Variants in PLCE1 observed in about 807,000 individuals in gnomAD.
PLCE1 encodes the protein 1-phosphatidylinositol 4,5-bisphosphate phosphodiesterase epsilon-1.
In PLCE1, 119 loss-of-function variants were observed where a neutral mutation model predicts 242.8. The observed-to-expected ratio is 0.49, with a 90% CI of 0.42 to 0.57. PLCE1 has a LOEUF of 0.57. Ranked by LOEUF, PLCE1 falls within the 20% of genes least tolerant of loss-of-function variation. The probability of loss-of-function intolerance (pLI) is 0.00; values close to 1 mark genes in which losing one functional copy is unlikely to be tolerated. For missense variants in PLCE1, 2,441 were observed against 2,788.8 expected, an observed-to-expected ratio of 0.88 and a Z score of 2.81; for synonymous variants, 945 against 1,017.4, an observed-to-expected ratio of 0.93 and a Z score of 1.35.
chr10:94,011,394 C>T (rs1431673406), intron 1 of PLCE1, among the ~76,000 whole-genome samples: 6 of 152,058 alleles, frequency 3.9e-5, no homozygotes, highest in Admixed American at 3.9e-4. Context: ...CCCACTAGGC[C>T]CCACCTCCAA....
chr10:94,214,287 T>C (rs916937674), intron 4 of PLCE1, among the ~76,000 whole-genome samples: 13 of 152,140 alleles, frequency 8.5e-5, no homozygotes, highest in African/African-American at 3.1e-4. Flanking sequence ...TCATTTACCC[T>C]AGAGCTCACA....
intron 2 of PLCE1, among the ~76,000 whole-genome samples, chr10:94,124,371 T>C: frequency 6.9e-6 from 1 of 145,256 alleles, no homozygotes; most frequent in Non-Finnish European, 1.5e-5. Flanking sequence ...GAGTGAGACC[T>C]TGTCTCAGAG....
At chr10:94,315,808 T>C (rs1185386158) in intron 28 of PLCE1, among the ~76,000 whole-genome samples, 14 of 151,462 alleles carry the variant, frequency 9.2e-5, no homozygotes, top group African/African-American at 2.9e-4. Flanking sequence ...TAATGGCTCA[T>C]CTTTATTGAG....
chr10:94,273,283 A>G (rs886758995), intron 18 of PLCE1, among the ~76,000 whole-genome samples: 1 of 152,192 alleles, frequency 6.6e-6, no homozygotes, highest in African/African-American at 2.4e-5. Flanking sequence ...CTTATTTAAT[A>G]CATCAGACCA....
chr10:94,101,037 G>T (rs2045514520), intron 2 of PLCE1, among the ~76,000 whole-genome samples: 1 of 152,166 alleles, frequency 6.6e-6, no homozygotes, highest in Admixed American at 6.5e-5. Flanking sequence ...GGACCCCTGT[G>T]GGGAGCTATT....
At chr10:94,214,930 G>GATGAAGAA (rs2049466966) in intron 4 of PLCE1, among the ~76,000 whole-genome samples, 1 of 152,146 alleles carries the variant, frequency 6.6e-6, no homozygotes, top group South Asian at 2.1e-4. Flanking sequence ...CAGGGTACTT[G>GATGAAGAA]CGTAAGCTAT....
At chr10:94,305,922 A>C (rs895321317) in intron 25 of PLCE1, among the ~76,000 whole-genome samples, 5 of 152,134 alleles carry the variant, frequency 3.3e-5, no homozygotes, top group Non-Finnish European at 7.3e-5. Flanking sequence ...TGATGTTGAC[A>C]AAATAGGCTT....
chr10:94,290,051 T>C (rs1483674214), intron 22 of PLCE1, among the ~76,000 whole-genome samples: 1 of 152,128 alleles, frequency 6.6e-6, no homozygotes, highest in African/African-American at 2.4e-5. Context: ...ATTAAAGACC[T>C]GGCCTTGCTC....
At chr10:94,068,545 G>A (rs1233267538) in intron 2 of PLCE1, among the ~76,000 whole-genome samples, 1 of 152,096 alleles carries the variant, frequency 6.6e-6, no homozygotes, top group Non-Finnish European at 1.5e-5. Flanking sequence ...TTTATATAAG[G>A]AACTTAAGCA....
intron 1 of PLCE1, among the ~76,000 whole-genome samples, chr10:94,028,258 T>C (rs901316082): frequency 6.6e-5 from 10 of 152,194 alleles, no homozygotes; most frequent in African/African-American, 1.7e-4. Flanking sequence ...GTGGTTGCAG[T>C]CAAGATATAG....
chr10:94,203,853 GA>G (rs766408612), intron 4 of PLCE1, among the ~76,000 whole-genome samples: 2 of 152,200 alleles, frequency 1.3e-5, no homozygotes, highest in Non-Finnish European at 2.9e-5. Flanking sequence ...TGTGAAGGCA[GA>G]AGAAATATTA....
In PLCE1 at chr10:94,137,482, A is replaced by T. The variant is rs1381325889; in HGVS notation, c.1492+5023A>T. On this transcript the variant is annotated intron_variant, in intron 3 of 32. Coordinates refer to ENST00000371380, the MANE Select transcript of PLCE1 (RefSeq NM_016341.4). ...GCAAAATTAGAAAAATAAAGTGATG[A>T]CAAGAGGATTTTTCATATAAGGCAG... Among the ~76,000 whole-genome samples, 3 of 118,842 alleles carry T rather than the reference A, an allele frequency of 2.5e-5. No individual in the cohort carries two copies. In the East Asian group the frequency reaches 6.6e-4, roughly 26 times the overall value. 78.0% of individuals were successfully genotyped at this position (118,842 alleles called of 152,430 possible).
At chr10:94,186,044 G>A (rs952231347) in intron 4 of PLCE1, among the ~76,000 whole-genome samples, 2 of 152,176 alleles carry the variant, frequency 1.3e-5, no homozygotes, top group Non-Finnish European at 2.9e-5. Context: ...TAAAACAGGC[G>A]GAATTCTTTC....
rs2053588595 is a variant in PLCE1, at chr10:94,316,760, AGT to A, written c.6342+9_6342+10del. On this transcript the variant is annotated splice_donor_5th_base_variant and intron_variant, in intron 29 of 32. Transcript: ENST00000371380. The stretch of plus-strand genomic sequence containing the variant: ...TGTCTTAAAAACCCAGCAGGAAGTA[AGT>A]GTGTCTGGGTGCAGCCTACACAGTA... 6.2e-7 allele frequency: 1 copy of A among 1,604,386 alleles called. No homozygotes were observed. Among genetic ancestry groups the A allele is most frequent in the East Asian group, 2.2e-5 (1 of 44,828 alleles).
chr10:94,279,817 T>C lies in PLCE1; in HGVS notation c.4701T>C (p.Tyr1567=). ...HQLASMQVQA[Y]NGGNANPRPA... is the part of the protein sequence containing the mutation. The stretch of plus-strand genomic sequence containing the variant: ...TAGCATCTATGCAAGTGCAGGCTTA[T>C]AATGGTGGGAATGCCAACCCCCGAC... The change falls in exon 20 of 33, where the codon TAT becomes TAC. Residue 1567 remains tyrosine, a synonymous_variant. Coordinates refer to ENST00000371380, the MANE Select transcript of PLCE1 (RefSeq NM_016341.4). 1 of 1,613,742 alleles carries C rather than the reference T, an allele frequency of 6.2e-7. No individual in the cohort carries two copies. Among genetic ancestry groups the C allele is most frequent in the South Asian group, 1.1e-5 (1 of 91,082 alleles).
intron 1 of PLCE1, among the ~76,000 whole-genome samples, chr10:94,016,836 G>C (rs1008861698): frequency 3.6e-4 from 55 of 152,158 alleles, no homozygotes; most frequent in African/African-American, 1.3e-3. Context: ...TAAAAAGTTA[G>C]TGTAGAGTAT....
chr10:94,138,065 C>A, intron 3 of PLCE1: 2 of 366,216 alleles, frequency 5.5e-6, no homozygotes, highest in South Asian at 5.1e-5. Flanking sequence ...TGAGTTTCGT[C>A]AGTTGTCTGT....
intron 4 of PLCE1, among the ~76,000 whole-genome samples, chr10:94,181,338 C>T (rs918994781): frequency 7.2e-5 from 11 of 151,948 alleles, no homozygotes; most frequent in African/African-American, 2.7e-4. Context: ...TTTGGGAGGC[C>T]AACATGGGTG....
chr10:94,299,254 A>C (rs1482015438), intron 24 of PLCE1, among the ~76,000 whole-genome samples: 2 of 152,216 alleles, frequency 1.3e-5, no homozygotes, highest in African/African-American at 4.8e-5. Flanking sequence ...CCAGAGTAGA[A>C]GCTGCCGTTT....
Sources: gnomAD v4.1 joint callset for allele counts (sites outside exome capture counted in the v4.1 genomes callset) on GRCh38, gnomAD v4.1.1 for gene constraint, MANE v1.5 for transcripts, NCBI Gene and HGNC (gene_info 2026-07-23, HGNC 2026-07-21) for gene names.